Variants in NUP210L observed in about 807,000 individuals in gnomAD.
NUP210L encodes the protein nucleoporin 210 like, also known as nuclear pore membrane glycoprotein 210-like.
A neutral mutation model predicts 208.5 loss-of-function variants in NUP210L; 74 were observed. The observed-to-expected ratio is 0.35, with a 90% CI of 0.29 to 0.43. The LOEUF (loss-of-function observed/expected upper bound fraction) is 0.43, where lower values mean the gene tolerates loss of function less well. NUP210L is among the 20% of genes least tolerant of loss of function. The pLI, the probability that NUP210L is intolerant of heterozygous loss-of-function variation, is 1.00. For synonymous variants in NUP210L, 780 were observed against 816.9 expected (o/e 0.95, Z 0.77); for missense variants, 1,843 against 2,289.4 (o/e 0.81, Z 3.98).
intron 27 of NUP210L, among the ~76,000 whole-genome samples, chr1:154,045,234 G>A (rs1348631306): frequency 6.6e-6 from 1 of 152,104 alleles, no homozygotes; most frequent in African/African-American, 2.4e-5. Flanking sequence ...TCCAAGTAGG[G>A]TGGGCTGGGA....
chr1:154,012,105 G>A (rs778584739), intron 34 of NUP210L, 139 bp downstream of exon 34: 2 of 782,238 alleles, frequency 2.6e-6, no homozygotes, highest in South Asian at 3.6e-5. Flanking sequence ...GTCTCATAGA[G>A]CTCTATGATT....
At chr1:154,079,605 G>A (rs1249540116) in intron 16 of NUP210L, 1 of 150,178 alleles carries the variant, frequency 6.7e-6, no homozygotes, top group Non-Finnish European at 1.5e-5. Flanking sequence ...GTGAATGGGA[G>A]AAAAAGTTCA....
intron 37 of NUP210L, among the ~76,000 whole-genome samples, chr1:153,996,929 G>C (rs1312709351): frequency 1.4e-5 from 2 of 139,910 alleles, no homozygotes; most frequent in South Asian, 4.6e-4. Flanking sequence ...AGCCTCCTAA[G>C]TAACTAGGAC....
At position 154,019,084 on chromosome 1, in the gene NUP210L, G is replaced by A. The variant is rs1394310625; in HGVS notation, c.4517-15C>T. 20 of 1,613,568 alleles carry A rather than the reference G, an allele frequency of 1.2e-5. No individual in the cohort carries two copies. Among genetic ancestry groups the A allele is most frequent in the Non-Finnish European group, 1.6e-5 (19 of 1,179,776 alleles). On this transcript the variant is annotated splice_polypyrimidine_tract_variant and intron_variant, in intron 32 of 39. Transcript: ENST00000368559. ...CCCAGGTTCACCTAGGAAAAGACAA[G>A]AGAAAACACTTGGCTGAAGCCTTTG...
At chr1:154,144,698 C>CA (rs1337921051) in intron 2 of NUP210L, among the ~76,000 whole-genome samples, 2 of 152,084 alleles carry the variant, frequency 1.3e-5, no homozygotes, top group African/African-American at 4.8e-5. Context: ...TAGCTTCATC[C>CA]AAAAAAACCA....
chr1:154,130,493 G>A (rs900337309), intron 7 of NUP210L, among the ~76,000 whole-genome samples: 2 of 151,430 alleles, frequency 1.3e-5, no homozygotes, highest in South Asian at 2.1e-4. Context: ...GGCTGGTCTC[G>A]AACTCCTGAC....
chr1:154,091,501 C>CTTTTTTTTTT (rs772608860), intron 15 of NUP210L, among the ~76,000 whole-genome samples: 9 of 124,622 alleles, frequency 7.2e-5, no homozygotes, highest in Non-Finnish European at 1.3e-4. Flanking sequence ...CTTTTCTTTT[C>CTTTTTTTTTT]TTTTTTTTTT....
In NUP210L at chr1:154,060,534, G is replaced by A; in HGVS notation, c.2850+6C>T. On this transcript the variant is annotated splice_donor_region_variant and intron_variant, in intron 20 of 39. Coordinates refer to ENST00000368559, the Ensembl canonical transcript of NUP210L. Reference sequence around the variant, plus strand: ...CCATCAATCTGGGACTGTCTCTAGAGCTCACCTCAACAGAGCTTTCTGCTT... The same window carrying A: ...CCATCAATCTGGGACTGTCTCTAGAACTCACCTCAACAGAGCTTTCTGCTT... 6.3e-7 allele frequency: 1 copy of A among 1,585,708 alleles called. No homozygotes were observed. Among genetic ancestry groups the A allele is most frequent in the South Asian group, 1.1e-5 (1 of 90,244 alleles).
intron 5 of NUP210L, among the ~76,000 whole-genome samples, chr1:154,139,539 A>G (rs906460245): frequency 6.6e-6 from 1 of 151,958 alleles, no homozygotes; most frequent in Non-Finnish European, 1.5e-5. Context: ...TGAAAAATTT[A>G]TAACACTGGC....
chr1:154,152,090 C>CA (rs745735321), intron 2 of NUP210L, among the ~76,000 whole-genome samples: 8,563 of 103,816 alleles, frequency 0.082, 562 homozygotes, highest in East Asian at 0.31. Flanking sequence ...AACTCCGTCT[C>CA]AAAAAAAAAA....
chr1:154,128,194 AATTG>A (rs1658077850), intron 8 of NUP210L, among the ~76,000 whole-genome samples: 1 of 152,104 alleles, frequency 6.6e-6, no homozygotes, highest in African/African-American at 2.4e-5. Context: ...CCTTCTCTCA[AATTG>A]TATAAGGCTT....
intron 3 of NUP210L, among the ~76,000 whole-genome samples, chr1:154,142,660 G>A (rs1658913119): frequency 6.6e-6 from 1 of 151,690 alleles, no homozygotes; most frequent in African/African-American, 2.4e-5. Context: ...GGAGGCCGAG[G>A]AAGGCAGATC....
At chr1:154,048,218 TC>T (rs1653294632) in intron 25 of NUP210L, among the ~76,000 whole-genome samples, 1 of 152,148 alleles carries the variant, frequency 6.6e-6, no homozygotes, top group South Asian at 2.1e-4. Context: ...TCCAGATCTT[TC>T]TTTTCCAGAG....
At chr1:154,139,389 G>A (rs1247868360) in intron 5 of NUP210L, among the ~76,000 whole-genome samples, 1 of 152,152 alleles carries the variant, frequency 6.6e-6, no homozygotes, top group Non-Finnish European at 1.5e-5. Context: ...AAATGTTTAA[G>A]ATAATTGTTT....
At chr1:154,052,176 T>C (rs2790686) in intron 25 of NUP210L, among the ~76,000 whole-genome samples, 87,451 of 152,054 alleles carry the variant, frequency 0.58, 26,089 homozygotes, top group East Asian at 0.95. Flanking sequence ...GGTTTGGTAG[T>C]GAGATCCGTT....
exon 36 of NUP210L, chr1:154,001,969 T>G: frequency 1.2e-6 from 2 of 1,613,922 alleles, no homozygotes; most frequent in African/African-American, 2.7e-5. Flanking sequence ...GAACCTTGAT[T>G]ATGCAGACAT....
intron 15 of NUP210L, among the ~76,000 whole-genome samples, chr1:154,092,071 A>ATTT (rs764216863): frequency 6.4e-5 from 8 of 124,606 alleles, no homozygotes; most frequent in African/African-American, 9.0e-5. Flanking sequence ...ATGGGGAGCC[A>ATTT]TTTTTTTTTT....
intron 7 of NUP210L, among the ~76,000 whole-genome samples, chr1:154,134,734 CAA>C (rs67813355): frequency 1.2e-4 from 8 of 67,322 alleles, no homozygotes; most frequent in Admixed American, 2.1e-4. Flanking sequence ...GACTCCGTCT[CAA>C]AAAAAAAAAA....
chr1:154,005,872 C>T (rs752335039), intron 35 of NUP210L, among the ~76,000 whole-genome samples: 1 of 151,950 alleles, frequency 6.6e-6, no homozygotes, highest in Admixed American at 6.6e-5. Flanking sequence ...TACAGGCATG[C>T]GCCATCACAC....
Sources: gnomAD v4.1 joint callset for allele counts (sites outside exome capture counted in the v4.1 genomes callset) on GRCh38, gnomAD v4.1.1 for gene constraint, MANE v1.5 for transcripts, NCBI Gene and HGNC (gene_info 2026-07-23, HGNC 2026-07-21) for gene names.